PPP2R2B: variants seen among roughly 807,000 people sequenced by gnomAD.
The protein encoded by PPP2R2B is serine/threonine-protein phosphatase 2A 55 kDa regulatory subunit B beta isoform.
A neutral mutation model predicts 46.0 loss-of-function variants in PPP2R2B; 5 were observed. That is an observed-to-expected ratio of 0.11 (90% CI 0.06 to 0.23). The LOEUF (loss-of-function observed/expected upper bound fraction) is 0.23, where lower values mean the gene tolerates loss of function less well. PPP2R2B is among the 10% of genes least tolerant of loss of function. The pLI is 1.00. For missense variants in PPP2R2B, 367 were observed against 575.0 expected, an observed-to-expected ratio of 0.64 and a Z score of 3.70; for synonymous variants, 215 against 206.7, an observed-to-expected ratio of 1.04 and a Z score of -0.34.
intron 1 of PPP2R2B, among the ~76,000 whole-genome samples, chr5:146,988,142 G>A (rs2151859921): frequency 6.6e-6 from 1 of 151,988 alleles, no homozygotes; most frequent in Admixed American, 6.6e-5. Flanking sequence ...AGACCTAAAG[G>A]AAGAAATTGA....
At chr5:146,806,802 G>A (rs1036869793) in intron 2 of PPP2R2B, among the ~76,000 whole-genome samples, 11 of 152,200 alleles carry the variant, frequency 7.2e-5, no homozygotes, top group African/African-American at 1.2e-4. Context: ...ACAGAATGTC[G>A]TTTTGCAAAC....
At chr5:146,836,857 C>A (rs976444282) in intron 2 of PPP2R2B, among the ~76,000 whole-genome samples, 1 of 152,142 alleles carries the variant, frequency 6.6e-6, no homozygotes, top group Non-Finnish European at 1.5e-5. Context: ...ATGGAACTTG[C>A]CTTCTGCATC....
At chr5:146,998,939 G>A (rs1012525763) in intron 1 of PPP2R2B, among the ~76,000 whole-genome samples, 3 of 150,170 alleles carry the variant, frequency 2.0e-5, no homozygotes, top group African/African-American at 4.9e-5. Flanking sequence ...GCGGGAACCC[G>A]GGAGGCGGAG....
intron 7 of PPP2R2B, among the ~76,000 whole-genome samples, chr5:146,635,433 C>T (rs1774751663): frequency 6.6e-6 from 1 of 152,116 alleles, no homozygotes; most frequent in Non-Finnish European, 1.5e-5. Context: ...GCTTCTAAGG[C>T]CTTGCCCTTT....
chr5:146,952,963 A>T (rs763555705), intron 1 of PPP2R2B, among the ~76,000 whole-genome samples: 4 of 152,212 alleles, frequency 2.6e-5, no homozygotes, highest in Non-Finnish European at 5.9e-5. Flanking sequence ...AAGTTTAGGC[A>T]GATAGCTGCA....
At chr5:146,718,513 G>A (rs1013187921) in intron 2 of PPP2R2B, among the ~76,000 whole-genome samples, 3 of 152,148 alleles carry the variant, frequency 2.0e-5, no homozygotes, top group Non-Finnish European at 4.4e-5. Flanking sequence ...ATTGAGTGTA[G>A]CAGAACTATG....
Position 146,648,276 on chromosome 5 carries a change from G to A in PPP2R2B, c.625+2271C>T, listed in dbSNP as rs150176902. Among the ~76,000 whole-genome samples the A allele has an allele frequency of 4.6e-3, 707 of 152,250 alleles. 3 individuals are homozygous for A. Among genetic ancestry groups the A allele is most frequent in the Middle Eastern group, 0.044 (13 of 294 alleles). On this transcript the variant is annotated intron_variant, in intron 6 of 9. Coordinates refer to ENST00000394411, the MANE Select transcript of PPP2R2B (RefSeq NM_181675.4). ...ACATTGGGGAGCTGCAAATGAAAGAGGCCCGAGTTTCTGAATTACTGATTG... is the reference window on the plus strand; with the variant it reads ...ACATTGGGGAGCTGCAAATGAAAGAAGCCCGAGTTTCTGAATTACTGATTG...
intron 2 of PPP2R2B, among the ~76,000 whole-genome samples, chr5:146,792,437 A>T (rs1017663458): frequency 6.6e-6 from 1 of 152,176 alleles, no homozygotes; most frequent in Non-Finnish European, 1.5e-5. Flanking sequence ...CTGTCCTAGG[A>T]TGTTGGGGGT....
At chr5:146,848,509 A>G (rs2151379617) in intron 2 of PPP2R2B, among the ~76,000 whole-genome samples, 1 of 152,218 alleles carries the variant, frequency 6.6e-6, no homozygotes, top group Non-Finnish European at 1.5e-5. Context: ...AGTAAGGTAT[A>G]CTGTAGGATG....
intron 1 of PPP2R2B, among the ~76,000 whole-genome samples, chr5:147,049,130 T>C (rs1265286434): frequency 8.2e-6 from 1 of 121,898 alleles, no homozygotes; most frequent in Non-Finnish European, 1.9e-5. Context: ...GTGTGAGATA[T>C]TTTACATAGG....
intron 1 of PPP2R2B, among the ~76,000 whole-genome samples, chr5:146,911,077 T>C (rs929127265): frequency 7.9e-6 from 1 of 126,488 alleles, no homozygotes; most frequent in African/African-American, 3.7e-5. Context: ...AGATTGTCTG[T>C]TAGACACTTT....
intron 2 of PPP2R2B, among the ~76,000 whole-genome samples, chr5:146,796,892 A>C (rs1756573662): frequency 6.6e-6 from 1 of 152,222 alleles, no homozygotes; most frequent in Non-Finnish European, 1.5e-5. Flanking sequence ...CTTTTATAGT[A>C]GTGAGAGTGA....
At chr5:146,640,076 C>T (rs1489514161) in intron 6 of PPP2R2B, among the ~76,000 whole-genome samples, 1 of 152,200 alleles carries the variant, frequency 6.6e-6, no homozygotes, top group African/African-American at 2.4e-5. Context: ...TTTAGTCCCG[C>T]TAGCACTAAC....
In PPP2R2B at chr5:146,590,184, G is replaced by A. The variant is rs759561412; in HGVS notation, c.1095C>T (p.Phe365=). Reference sequence around the variant, plus strand: ...TCACATCACGCTTGGTGTTTCTGTCGAACATCCTGAAGAAGTTGTTGTAGG... The same window carrying A: ...TCACATCACGCTTGGTGTTTCTGTCAAACATCCTGAAGAAGTTGTTGTAGG... The part of the protein sequence containing the change: ...TGSYNNFFRM[F]DRNTKRDVTL... Residue 365 remains phenylalanine, a synonymous_variant, in exon 10 of 10, where the codon TTC becomes TTT. Coordinates refer to ENST00000394411, the MANE Select transcript of PPP2R2B (RefSeq NM_181675.4). 1.2e-5 allele frequency: 20 copies of A among 1,613,572 alleles called. No individual in the cohort carries two copies. In the Middle Eastern group the frequency reaches 6.6e-4, roughly 53 times the overall value.
At chr5:146,717,868 C>G (rs1205115204) in intron 2 of PPP2R2B, among the ~76,000 whole-genome samples, 1 of 152,120 alleles carries the variant, frequency 6.6e-6, no homozygotes, top group Admixed American at 6.5e-5. Context: ...TTTTCCTTAG[C>G]CAACATCTCT....
At chr5:146,874,960 T>C (rs1396857876) in intron 2 of PPP2R2B, among the ~76,000 whole-genome samples, 1 of 152,242 alleles carries the variant, frequency 6.6e-6, no homozygotes, top group African/African-American at 2.4e-5. Context: ...GATGGAAATA[T>C]AGCTTATACA....
chr5:146,823,648 G>A (rs1364742055), intron 2 of PPP2R2B, among the ~76,000 whole-genome samples: 1 of 152,090 alleles, frequency 6.6e-6, no homozygotes, highest in Non-Finnish European at 1.5e-5. Context: ...CCACTTTAAA[G>A]TTTAAAATCT....
intron 1 of PPP2R2B, among the ~76,000 whole-genome samples, chr5:147,041,414 G>T (rs2151897011): frequency 6.6e-6 from 1 of 152,246 alleles, no homozygotes; most frequent in South Asian, 2.1e-4. Flanking sequence ...CTCCAACTGA[G>T]ACTTAGAGAA....
intron 1 of PPP2R2B, chr5:147,040,771 G>A (rs753041880): frequency 8.9e-6 from 4 of 447,994 alleles, no homozygotes; most frequent in South Asian, 6.5e-5. Flanking sequence ...CATTCTGTGT[G>A]TAAATAGGGC....
Sources: gnomAD v4.1 joint callset for allele counts (sites outside exome capture counted in the v4.1 genomes callset) on GRCh38, gnomAD v4.1.1 for gene constraint, MANE v1.5 for transcripts, NCBI Gene and HGNC (gene_info 2026-07-23, HGNC 2026-07-21) for gene names.